The following CLEC4G variants were observed in gnomAD, a reference collection of about 807,000 sequenced individuals.
CLEC4G encodes the protein C-type lectin domain family 4 member G.
Under a neutral mutation model 37.0 loss-of-function variants are expected in CLEC4G, and 34 were observed. The ratio of observed to expected loss-of-function variants is 0.92; its 90% CI spans 0.70 to 1.22. CLEC4G has a LOEUF of 1.22. Among genes scored for constraint, CLEC4G ranks in the 50% most tolerant of loss-of-function variants. The pLI is 0.00. For synonymous variants in CLEC4G, 167 were observed against 165.6 expected, an observed-to-expected ratio of 1.01 and a Z score of -0.06; for missense variants, 390 against 392.9, an observed-to-expected ratio of 0.99 and a Z score of 0.06.
intron 2 of CLEC4G, 74 bp downstream of exon 2, chr19:7,731,587 G>C: frequency 7.7e-6 from 12 of 1,560,604 alleles, no homozygotes; most frequent in South Asian, 1.2e-5. Flanking sequence ...GGATGCAGCT[G>C]GTGCGCCATG....
At chr19:7,729,673 T>A (rs2033396821) in intron 8 of CLEC4G, 148 bp downstream of exon 8, 1 of 1,415,954 alleles carries the variant, frequency 7.1e-7, no homozygotes, top group South Asian at 1.4e-5. Context: ...ACGCCCAGAA[T>A]TTAACCTGAG....
chr19:7,729,738 G>A (rs528014991), intron 8 of CLEC4G, 83 bp downstream of exon 8: 13 of 1,567,348 alleles, frequency 8.3e-6, no homozygotes, highest in Middle Eastern at 1.7e-4. Context: ...CCAGCCGAGG[G>A]GTCCCTGAGA....
chr19:7,731,877 G>T, intron 1 of CLEC4G, 106 bp from the exon 2 acceptor site: 1 of 1,529,926 alleles, frequency 6.5e-7, no homozygotes, highest in Non-Finnish European at 8.8e-7. Context: ...CTTGCCTATG[G>T]TCACACAGCT....
In CLEC4G at chr19:7,730,807, C is replaced by A; in HGVS notation, c.336G>T (p.Ala112=). 6.5e-7 allele frequency: 1 copy of A among 1,532,646 alleles called. No homozygotes were observed. The highest frequency in any genetic ancestry group is 8.7e-7 in the Non-Finnish European group (1 of 1,145,926). The allele number at this position is 1,532,646 out of a possible 1,614,324, so 94.9% of individuals were successfully genotyped here. The change falls in exon 5 of 9, where the codon GCG becomes GCT. Residue 112 remains alanine (A), a synonymous_variant. Transcript: ENST00000328853. The surrounding 1 kb of genome is among the most constrained non-coding windows in gnomAD (Gnocchi z 7.3). ...TCTCCTGCTCCATCAGCTTCGCCTG[C>A]GCCTCCCCAAGCTCCGCGCGCGTGG... ...LQTTRAELGE[A]QAKLMEQESA...
rs2033436645 is a variant in CLEC4G, at chr19:7,731,735, G to A, written c.92C>T (p.Pro31Leu). 3.7e-6 allele frequency: 6 copies of A among 1,614,078 alleles called. No individual in the cohort carries two copies. In the East Asian group the frequency reaches 1.3e-4, roughly 36 times the overall value. The change falls in exon 2 of 9, where the codon CCC becomes CTC. Residue 31 changes from proline (P) to leucine (L), a missense_variant. Physicochemically the swap from Pro to Leu is moderately conservative, Grantham distance 98. Coordinates refer to ENST00000328853, the MANE Select transcript of CLEC4G (RefSeq NM_198492.4). The stretch of plus-strand genomic sequence containing the variant: ...CAGGACAGCCAGGGCCAAGAAGAGG[G>A]GTCTCCTGCTCCAGTGCACCCAGCG... ...WGRWVHWSRR[P>L]LFLALAVLVT... is the part of the protein sequence containing the mutation.
rs751477877 is a variant in CLEC4G, at chr19:7,729,892, G to T, written c.672C>A (p.Gly224=). The T allele has an allele frequency of 5.0e-6, 8 of 1,613,402 alleles. No homozygotes were observed. In the East Asian group the frequency reaches 1.6e-4, roughly 31 times the overall value. The change falls in exon 8 of 9, where the codon GGC becomes GGA. Residue 224 remains glycine, a synonymous_variant. Transcript: ENST00000328853. Reference sequence around the variant, plus strand: ...TGCCCAGATGGCGCACAGCCCTCAGGCCCAGCCAGTAACCACGGCCACGCG... The same window carrying T: ...TGCCCAGATGGCGCACAGCCCTCAGTCCCAGCCAGTAACCACGGCCACGCG... ...RNTRGRGYWL[G]LRAVRHLGKV...
intron 4 of CLEC4G, 23 bp downstream of exon 4, chr19:7,731,003 C>T (rs778822421): frequency 1.7e-5 from 27 of 1,593,240 alleles, no homozygotes; most frequent in Non-Finnish European, 2.1e-5. Flanking sequence ...CCTGCGCCCA[C>T]AGCCTCGACC....
In CLEC4G at chr19:7,732,047, C is replaced by T. The variant is rs2033441323; in HGVS notation, c.55+1G>A. On this transcript the variant is annotated splice_donor_variant, in intron 1 of 8. Coordinates refer to ENST00000328853, the MANE Select transcript of CLEC4G (RefSeq NM_198492.4). LOFTEE classifies it high-confidence loss of function. ...GGATGGGGCAGTCTCCTTGCTCATA[C>T]CTCCGGGGACCTCCTCGGAGCTGCC... The T allele has an allele frequency of 6.2e-7, 1 of 1,603,188 alleles. No individual in the cohort carries two copies. The highest frequency in any genetic ancestry group is 8.5e-7 in the Non-Finnish European group (1 of 1,170,056).
At chr19:7,729,664 C>A (rs1305975625) in intron 8 of CLEC4G, among the ~76,000 whole-genome samples, 157 bp downstream of exon 8, 1 of 152,102 alleles carries the variant, frequency 6.6e-6, no homozygotes, top group African/African-American at 2.4e-5. Flanking sequence ...AACTTTTTAA[C>A]GCCCAGAATT....
chr19:7,729,608 A>T, intron 8 of CLEC4G, 104 bp from the exon 9 acceptor site: 1 of 1,182,644 alleles, frequency 8.5e-7, no homozygotes, highest in Non-Finnish European at 1.2e-6. Context: ...GCTTGGGTCT[A>T]CTCTAGACAC....
chr19:7,729,688 G>T, intron 8 of CLEC4G, 133 bp downstream of exon 8: 1 of 1,466,564 alleles, frequency 6.8e-7, no homozygotes, highest in Non-Finnish European at 9.1e-7. Flanking sequence ...CCTGAGGACA[G>T]TTCCTGGGGT....
intron 8 of CLEC4G, 39 bp downstream of exon 8, chr19:7,729,782 G>A (rs2033398584): frequency 6.2e-7 from 1 of 1,611,720 alleles, no homozygotes; most frequent in Non-Finnish European, 8.5e-7. Flanking sequence ...AGCCTAACCT[G>A]TCTCCCTCCC....
Position 7,729,122 on chromosome 19 carries a change from TTTGG to T in CLEC4G, c.*240_*243del. The T allele has an allele frequency of 6.3e-6, 4 of 632,110 alleles. No individual in the cohort carries two copies. The highest frequency in any genetic ancestry group is 2.1e-5 in the Admixed American group (1 of 47,560). The allele number at this position is 632,110 out of a possible 1,614,324, so 39.2% of individuals were successfully genotyped here. A position where few individuals can be genotyped will look rare whatever the true frequency, so the allele number is the denominator to read the frequency against. On this transcript the variant is annotated 3_prime_UTR_variant, in exon 9 of 9. Transcript: ENST00000328853. The stretch of plus-strand genomic sequence containing the variant: ...ATCACGGGGACGCAGGAGCAGGGAT[TTTGG>T]AGCTAGTGGAGGTTAGGTTGGGTCT...
chr19:7,730,234 G>T lies in CLEC4G; in HGVS notation c.479-67C>A. 1 of 1,587,114 alleles carries T rather than the reference G, an allele frequency of 6.3e-7. No individual in the cohort carries two copies. ...GGCAACGCACCGAGAGGATGCAGTG[G>T]GTAGGGGTTCGGCCCCGCGGGCTCA... On this transcript the variant is annotated intron_variant, in intron 6 of 8. Coordinates refer to ENST00000328853, the MANE Select transcript of CLEC4G (RefSeq NM_198492.4). This position sits in a 1 kb window ranked among gnomAD's most constrained non-coding sequence, Gnocchi z 7.3.
rs1488122299 is a variant in CLEC4G, at chr19:7,730,880, G to A, written c.284-21C>T. 2 of 1,527,392 alleles carry A rather than the reference G, an allele frequency of 1.3e-6. No individual in the cohort carries two copies. Among genetic ancestry groups the A allele is most frequent in the African/African-American group, 1.4e-5 (1 of 72,120 alleles). 94.6% of individuals were successfully genotyped at this position (1,527,392 alleles called of 1,614,324 possible). A position where few individuals can be genotyped will look rare whatever the true frequency, so the allele number is the denominator to read the frequency against. The stretch of plus-strand genomic sequence containing the variant: ...CGAGCCTGGGAGCCGCAGGGTGAGA[G>A]GGGCGAGGGCGGCGAGGATGGGGCG... On this transcript the variant is annotated intron_variant, in intron 4 of 8. Coordinates refer to ENST00000328853, the MANE Select transcript of CLEC4G (RefSeq NM_198492.4). The surrounding 1 kb of genome is among the most constrained non-coding windows in gnomAD (Gnocchi z 7.3).
chr19:7,731,573 C>G, intron 2 of CLEC4G, 88 bp downstream of exon 2: 1 of 1,536,216 alleles, frequency 6.5e-7, no homozygotes. Context: ...CGAACAGGAC[C>G]CCAGGATGCA....
Position 7,730,718 on chromosome 19 carries a change from G to T in CLEC4G, c.388+37C>A, listed in dbSNP as rs2033415666. ...GACGGGGTCGGGGTCGGGGGACGCG[G>T]CCAGGGCTCAGGGCCGGGGTCGCGT... On this transcript the variant is annotated intron_variant, in intron 5 of 8. Coordinates refer to ENST00000328853, the MANE Select transcript of CLEC4G (RefSeq NM_198492.4). This position sits in a 1 kb window ranked among gnomAD's most constrained non-coding sequence, Gnocchi z 7.3. 1 of 1,515,258 alleles carries T rather than the reference G, an allele frequency of 6.6e-7. No homozygotes were observed. Among genetic ancestry groups the T allele is most frequent in the South Asian group, 1.2e-5 (1 of 81,806 alleles). The allele number at this position is 1,515,258 out of a possible 1,614,324, so 93.9% of individuals were successfully genotyped here. A position where few individuals can be genotyped will look rare whatever the true frequency, so the allele number is the denominator to read the frequency against.
chr19:7,731,067 A>G lies in CLEC4G; in HGVS notation c.242T>C (p.Leu81Pro). 1 of 1,605,210 alleles carries G rather than the reference A, an allele frequency of 6.2e-7. No individual in the cohort carries two copies. The highest frequency in any genetic ancestry group is 8.5e-7 in the Non-Finnish European group (1 of 1,179,496). Residue 81 changes from leucine to proline, a missense_variant, in exon 4 of 9, where the codon CTG becomes CCG. Transcript: ENST00000328853. Reference protein sequence around the residue: ...RTNASKQTAALGALKEEVGDC... With the variant: ...RTNASKQTAAPGALKEEVGDC... ...TCCGACCTCCTCCTTCAGGGCACCC[A>G]GCGCCGCCGTCTGCTTCGAGGCTGG...
intron 1 of CLEC4G, 107 bp from the exon 2 acceptor site, chr19:7,731,878 T>C: frequency 6.5e-7 from 1 of 1,527,348 alleles, no homozygotes; most frequent in Non-Finnish European, 8.8e-7. Context: ...TTGCCTATGG[T>C]CACACAGCTT....
Sources: gnomAD v4.1 joint callset for allele counts (sites outside exome capture counted in the v4.1 genomes callset) on GRCh38, gnomAD v4.1.1 for gene constraint, Gnocchi (gnomAD v3.1) non-coding constraint, MANE v1.5 for transcripts, NCBI Gene and HGNC (gene_info 2026-07-23, HGNC 2026-07-21) for gene names.